Variants in DHX37 observed in about 807,000 individuals in gnomAD.
DHX37 encodes DEAH-box helicase 37, also known as probable ATP-dependent RNA helicase DHX37.
In DHX37, 52 loss-of-function variants were observed where a neutral mutation model predicts 134.3. That is an observed-to-expected ratio of 0.39 (90% CI 0.31 to 0.49). The LOEUF is 0.49. Ranked by LOEUF, DHX37 falls within the 20% of genes least tolerant of loss-of-function variation. DHX37 has a pLI of 0.93. For synonymous variants in DHX37, 634 were observed against 670.7 expected (o/e 0.95, Z 0.85); for missense variants, 1,344 against 1,580.8 (o/e 0.85, Z 2.54).
intron 2 of DHX37, among the ~76,000 whole-genome samples, 159 bp downstream of exon 2, chr12:124,985,937 T>G (rs1170006666): frequency 6.6e-6 from 1 of 152,084 alleles, no homozygotes; most frequent in African/African-American, 2.4e-5. Context: ...AACAGCAATA[T>G]GTGGTTAGTG....
chr12:124,982,449 G>T, intron 3 of DHX37, 62 bp downstream of exon 3: 1 of 1,596,932 alleles, frequency 6.3e-7, no homozygotes, highest in Non-Finnish European at 8.6e-7. Flanking sequence ...CCCATAACCT[G>T]TGCGCCCTCC....
chr12:124,986,659 C>G (rs986687678), intron 1 of DHX37, among the ~76,000 whole-genome samples: 1 of 151,422 alleles, frequency 6.6e-6, no homozygotes, highest in Non-Finnish European at 1.5e-5. Context: ...TGCAGTGAGC[C>G]GAGATCTTGC....
intron 9 of DHX37, 78 bp from the exon 10 acceptor site, chr12:124,968,726 A>T: frequency 6.2e-7 from 1 of 1,608,836 alleles, no homozygotes; most frequent in Non-Finnish European, 8.5e-7. Context: ...TTTCCCCATT[A>T]TTCCGAATCA....
intron 2 of DHX37, among the ~76,000 whole-genome samples, chr12:124,983,785 C>CA (rs11298102): frequency 0.38 from 44,018 of 117,196 alleles, 7,697 homozygotes; most frequent in Non-Finnish European, 0.41. Flanking sequence ...ACCTTGTCTC[C>CA]AAAAAAAAAA....
At chr12:124,956,602 C>T in intron 18 of DHX37, 89 bp downstream of exon 18, 1 of 1,428,944 alleles carries the variant, frequency 7.0e-7, no homozygotes, top group Middle Eastern at 2.5e-4. Flanking sequence ...GATTCTTCTA[C>T]CTCAGCCTCC....
At position 124,962,517 on chromosome 12, in the gene DHX37, G is replaced by A. The variant is rs537851488; in HGVS notation, c.2045+1877C>T. ...CTAAAAATACAAAAATTAGCTGGGC[G>A]TGGTGGTGGGCACCTGTAATCTCAG... On this transcript the variant is annotated intron_variant, in intron 15 of 26. Coordinates refer to ENST00000308736, the MANE Select transcript of DHX37 (RefSeq NM_032656.4). Among the ~76,000 whole-genome samples, 16 of 152,164 alleles carry A rather than the reference G, an allele frequency of 1.1e-4. No individual in the cohort carries two copies. In the South Asian group the frequency reaches 1.7e-3, roughly 16 times the overall value.
In DHX37 at chr12:124,950,426, C is replaced by G; in HGVS notation, c.3108G>C (p.Arg1036=). Residue 1036 remains arginine (R), a synonymous_variant, in exon 23 of 27, where the codon CGG becomes CGC. Transcript: ENST00000308736. ...CPERGRVLCH[R]ASVFYRVGWP... ...GCCCCAACTCACAGAACACGCTGGC[C>G]CGGTGACACAGCACCCGCCCCCGCT... is the stretch of plus-strand genomic sequence containing the variant. 1.3e-6 allele frequency: 2 copies of G among 1,598,640 alleles called. No homozygotes were observed. The highest frequency in any genetic ancestry group is 1.7e-6 in the Non-Finnish European group (2 of 1,172,446).
In DHX37 at chr12:124,980,951, C is replaced by A. The variant is rs1013115535; in HGVS notation, c.390-113G>T. ...GGGACTTTGCACCTGCTGTTCCACT[C>A]CCTGAAATGCCCTTCCTGCAGATAC... is the stretch of plus-strand genomic sequence containing the variant. On this transcript the variant is annotated intron_variant, in intron 3 of 26. Transcript: ENST00000308736. The surrounding 1 kb of genome is among the most constrained non-coding windows in gnomAD (Gnocchi z 5.3). 1.7e-6 allele frequency: 2 copies of A among 1,151,780 alleles called. No individual in the cohort carries two copies. Among genetic ancestry groups the A allele is most frequent in the Non-Finnish European group, 2.4e-6 (2 of 830,878 alleles). 71.3% of individuals were successfully genotyped at this position (1,151,780 alleles called of 1,614,324 possible). A position where few individuals can be genotyped will look rare whatever the true frequency, so the allele number is the denominator to read the frequency against.
At chr12:124,974,452 G>A (rs544388798) in intron 6 of DHX37, among the ~76,000 whole-genome samples, 1 of 150,160 alleles carries the variant, frequency 6.7e-6, no homozygotes, top group South Asian at 2.1e-4. Flanking sequence ...AGCGTCCTCC[G>A]AGCCTAACGT....
chr12:124,948,423 C>T (rs1461747579), intron 25 of DHX37: 1 of 663,768 alleles, frequency 1.5e-6, no homozygotes, highest in African/African-American at 1.8e-5. Flanking sequence ...GCACTCCAGC[C>T]TGGGCAACAG....
chr12:124,982,031 G>A (rs902190671), intron 3 of DHX37, among the ~76,000 whole-genome samples: 1 of 151,480 alleles, frequency 6.6e-6, no homozygotes, highest in African/African-American at 2.4e-5. Context: ...GCTGAGGCAG[G>A]AGAATCGCTT....
In DHX37 at chr12:124,966,839, C is replaced by T. The variant is rs758254154; in HGVS notation, c.1544G>A (p.Arg515Gln). 3.6e-5 allele frequency: 58 copies of T among 1,614,250 alleles called. 1 individual carries two copies. The highest frequency in any genetic ancestry group is 3.1e-4 in the South Asian group (28 of 91,084). ...CCTGGCCCTTGACTTCTTAAACTTC[C>T]GCATTTCCTCCACCGAGTCTTTCTG... ...DDQKDSVEEM[R>Q]KFKKSRARAK... is the part of the protein sequence containing the mutation. Residue 515 changes from arginine (R) to glutamine (Q), a missense_variant, in exon 12 of 27, where the codon CGG becomes CAG. Transcript: ENST00000308736.
At chr12:124,951,837 T>A (rs1002636485) in intron 21 of DHX37, among the ~76,000 whole-genome samples, 1 of 152,084 alleles carries the variant, frequency 6.6e-6, no homozygotes, top group Admixed American at 6.5e-5. Context: ...CTGGGCATGG[T>A]GGCACACACC....
At chr12:124,963,151 G>A (rs1050136223) in intron 15 of DHX37, among the ~76,000 whole-genome samples, 1 of 152,200 alleles carries the variant, frequency 6.6e-6, no homozygotes, top group Non-Finnish European at 1.5e-5. Flanking sequence ...TCCATATGGT[G>A]TGATATCATT....
intron 16 of DHX37, among the ~76,000 whole-genome samples, chr12:124,959,989 G>C (rs915179715): frequency 1.4e-4 from 21 of 152,234 alleles, no homozygotes; most frequent in Non-Finnish European, 2.2e-4. Context: ...CTCCACTGGA[G>C]GACTGGGTCG....
At chr12:124,961,510 C>A (rs917670526) in intron 15 of DHX37, among the ~76,000 whole-genome samples, 3 of 152,286 alleles carry the variant, frequency 2.0e-5, no homozygotes, top group Non-Finnish European at 4.4e-5. Flanking sequence ...CTCACTGCAA[C>A]CTCTGCCTCC....
chr12:124,986,618 G>A (rs1954878565), intron 1 of DHX37, among the ~76,000 whole-genome samples: 2 of 151,906 alleles, frequency 1.3e-5, no homozygotes, highest in South Asian at 4.2e-4. Flanking sequence ...GGCTGAGACA[G>A]GAGAATCTCT....
Position 124,952,391 on chromosome 12 carries a change from G to A in DHX37, c.2868+7C>T, listed in dbSNP as rs963571003. On this transcript the variant is annotated splice_region_variant and intron_variant, in intron 21 of 26. Transcript: ENST00000308736. ...CTACCCGGGCAGGGAGGCGGTGGGGGCCGCACCTTGTAGGCGTTCCTCCAC... is the reference window on the plus strand; with the variant it reads ...CTACCCGGGCAGGGAGGCGGTGGGGACCGCACCTTGTAGGCGTTCCTCCAC... 1.2e-6 allele frequency: 2 copies of A among 1,603,660 alleles called. No individual in the cohort carries two copies. The highest frequency in any genetic ancestry group is 8.5e-7 in the Non-Finnish European group (1 of 1,177,594).
chr12:124,987,078 G>A lies in DHX37; in HGVS notation c.107-813C>T, dbSNP rs889663383. 2.6e-5 allele frequency among the ~76,000 whole-genome samples: 4 copies of A among 152,120 alleles called. No individual in the cohort carries two copies. The East Asian group carries it at 7.8e-4, about 30-fold the overall frequency. The stretch of plus-strand genomic sequence containing the variant: ...TCTCCTAAGAGTGTACGGTGGGGCC[G>A]GGCGCGGTGGCGCACGCCTGCAATC... On this transcript the variant is annotated intron_variant, in intron 1 of 26. Transcript: ENST00000308736.
Sources: gnomAD v4.1 joint callset for allele counts (sites outside exome capture counted in the v4.1 genomes callset) on GRCh38, gnomAD v4.1.1 for gene constraint, Gnocchi (gnomAD v3.1) non-coding constraint, MANE v1.5 for transcripts, NCBI Gene and HGNC (gene_info 2026-07-23, HGNC 2026-07-21) for gene names.